The following AKR1E2 variants were observed in gnomAD, a reference collection of about 807,000 sequenced individuals.
AKR1E2 encodes the protein 1,5-anhydro-D-fructose reductase.
Under a neutral mutation model 41.9 loss-of-function variants are expected in AKR1E2, and 43 were observed. That is an observed-to-expected ratio of 1.03 (90% CI 0.80 to 1.32). The LOEUF (loss-of-function observed/expected upper bound fraction) is 1.32, where lower values mean the gene tolerates loss of function less well. Ranked by LOEUF, AKR1E2 falls within the 40% of genes most tolerant of loss-of-function variation. The pLI is 0.00. For synonymous variants in AKR1E2, 121 were observed against 138.9 expected (o/e 0.87, Z 0.91); for missense variants, 423 against 396.5 (o/e 1.07, Z -0.57).
chr10:4,872,577 T>G, the AKR1E2 span, among the ~76,000 whole-genome samples: 4 of 152,254 alleles, frequency 2.6e-5, no homozygotes, highest in Non-Finnish European at 4.4e-5. Context: ...TTACTGATAT[T>G]TATTGTTAGG....
chr10:4,857,267 G>A, the AKR1E2 span, among the ~76,000 whole-genome samples: 1 of 152,156 alleles, frequency 6.6e-6, no homozygotes, highest in Admixed American at 6.5e-5. Flanking sequence ...CCCAGTGTTG[G>A]AGGTAAAACC....
At chr10:4,859,362 G>A in the AKR1E2 span, among the ~76,000 whole-genome samples, 2 of 152,150 alleles carry the variant, frequency 1.3e-5, no homozygotes, top group Admixed American at 1.3e-4. Context: ...GACTACATTC[G>A]GTACCAGAGG....
At chr10:4,857,557 G>T in the AKR1E2 span, among the ~76,000 whole-genome samples, 1 of 152,162 alleles carries the variant, frequency 6.6e-6, no homozygotes, top group African/African-American at 2.4e-5. Context: ...GGAACTGTGA[G>T]CCAGTTAAAC....
the AKR1E2 span, among the ~76,000 whole-genome samples, chr10:4,869,305 G>A: frequency 2.6e-5 from 4 of 152,116 alleles, no homozygotes; most frequent in African/African-American, 4.8e-5. Context: ...CTTGTGAAGT[G>A]TATGTGTGGA....
At chr10:4,843,724 G>A (rs1240449476) in intron 8 of AKR1E2, among the ~76,000 whole-genome samples, 1 of 152,232 alleles carries the variant, frequency 6.6e-6, no homozygotes, top group Non-Finnish European at 1.5e-5. Context: ...GGAGAGGCAG[G>A]CCACCCACGA....
In AKR1E2 at chr10:4,830,719, C is replaced by T. The variant is rs3750740; in HGVS notation, c.84C>T (p.Asp28=). 68,828 of 1,613,970 alleles carry T rather than the reference C, an allele frequency of 0.043. 1,822 individuals are homozygous for T. The highest frequency in any genetic ancestry group is 0.12 in the East Asian group (5,523 of 44,850). ...CCGAGGCAGTGAAAGAGGCCATTGA[C>T]GCAGGGTACCGGCACTTCGACTGTG... ...KVTEAVKEAI[D]AGYRHFDCAY... The change falls in exon 2 of 10, where the codon GAC becomes GAT. Residue 28 remains aspartate, a synonymous_variant. Transcript: ENST00000298375.
the AKR1E2 span, among the ~76,000 whole-genome samples, chr10:4,863,329 T>C: frequency 1.3e-5 from 2 of 152,096 alleles, no homozygotes; most frequent in Admixed American, 6.5e-5. Flanking sequence ...CTCAACTACA[T>C]GGAAACTGAA....
chr10:4,842,565 G>T, intron 8 of AKR1E2, 61 bp downstream of exon 8: 2 of 1,480,026 alleles, frequency 1.4e-6, no homozygotes, highest in South Asian at 2.3e-5. Context: ...GGGAAGGGAT[G>T]ACTGCTGTAG....
At chr10:4,846,732 G>C (rs1834363821) in intron 8 of AKR1E2, among the ~76,000 whole-genome samples, 1 of 152,124 alleles carries the variant, frequency 6.6e-6, no homozygotes, top group Non-Finnish European at 1.5e-5. Flanking sequence ...TTTTAGTAGA[G>C]ATGGGGTTTC....
chr10:4,860,254 TG>T, the AKR1E2 span, among the ~76,000 whole-genome samples: 1 of 152,174 alleles, frequency 6.6e-6, no homozygotes, highest in African/African-American at 2.4e-5. Flanking sequence ...AGTTAGAGGC[TG>T]GGGGTAGAAG....
chr10:4,865,878 T>C, the AKR1E2 span, among the ~76,000 whole-genome samples: 2 of 152,172 alleles, frequency 1.3e-5, no homozygotes, highest in Non-Finnish European at 2.9e-5. Context: ...TAAAGAAAAA[T>C]TGTATTCATC....
chr10:4,845,374 G>A (rs1359237599), intron 8 of AKR1E2, among the ~76,000 whole-genome samples: 3 of 152,024 alleles, frequency 2.0e-5, no homozygotes, highest in Non-Finnish European at 4.4e-5. Context: ...ACAGTGCAAC[G>A]GTGGGCTGAA....
At chr10:4,841,361 T>C (rs1039458021) in intron 6 of AKR1E2, among the ~76,000 whole-genome samples, 2 of 152,192 alleles carry the variant, frequency 1.3e-5, no homozygotes, top group African/African-American at 4.8e-5. Flanking sequence ...ATATTCACTT[T>C]TTAGTAGTAT....
At chr10:4,869,343 T>G in the AKR1E2 span, among the ~76,000 whole-genome samples, 2 of 152,176 alleles carry the variant, frequency 1.3e-5, no homozygotes, top group South Asian at 4.1e-4. Context: ...ATTACCATCC[T>G]GTTTATTTCT....
chr10:4,847,877 C>A lies in AKR1E2; in HGVS notation c.*347C>A, dbSNP rs1227397825. 2 of 239,334 alleles carry A rather than the reference C, an allele frequency of 8.4e-6. No individual in the cohort carries two copies. Among genetic ancestry groups the A allele is most frequent in the Non-Finnish European group, 1.6e-5 (2 of 125,112 alleles). The allele number at this position is 239,334 out of a possible 1,614,324, so 14.8% of individuals were successfully genotyped here. A position where few individuals can be genotyped will look rare whatever the true frequency, so the allele number is the denominator to read the frequency against. On this transcript the variant is annotated 3_prime_UTR_variant, in exon 10 of 10. Transcript: ENST00000298375. The stretch of plus-strand genomic sequence containing the variant: ...GAAACAGTGTAATGTGTCTCTGCCC[C>A]ATTGCGCAGCTCCACCCATTGTGCC...
At chr10:4,843,983 G>T (rs988693584) in intron 8 of AKR1E2, among the ~76,000 whole-genome samples, 3 of 152,186 alleles carry the variant, frequency 2.0e-5, no homozygotes, top group Non-Finnish European at 4.4e-5. Flanking sequence ...GAGACTGCAG[G>T]TCTCTTGTAG....
At chr10:4,838,865 G>A (rs1833642798) in intron 5 of AKR1E2, among the ~76,000 whole-genome samples, 3 of 152,182 alleles carry the variant, frequency 2.0e-5, no homozygotes, top group Admixed American at 2.0e-4. Context: ...TTATGGCATA[G>A]TCTGAGTAGA....
rs1027474872 is a variant in AKR1E2, at chr10:4,826,302, C to T, written c.-23C>T. The T allele has an allele frequency of 2.4e-6, 3 of 1,231,768 alleles. No homozygotes were observed. Among genetic ancestry groups the T allele is most frequent in the Admixed American group, 4.2e-5 (1 of 23,670 alleles). The allele number at this position is 1,231,768 out of a possible 1,614,324, so 76.3% of individuals were successfully genotyped here. On this transcript the variant is annotated 5_prime_UTR_variant, in exon 1 of 10. Transcript: ENST00000298375. ...GGTAGTCGCGTGCGGGGCGGCGGGG[C>T]GGCGGGGCGGCCGGCGGCGGCCATG...
rs576685363 is a variant in AKR1E2, at chr10:4,840,413, C to T, written c.680+587C>T. ...CACTGCCTTAGTTAAGTAGCATTCCCGAGGTCATTAGAGGAGCCCCTCAGC... is the reference window on the plus strand; with the variant it reads ...CACTGCCTTAGTTAAGTAGCATTCCTGAGGTCATTAGAGGAGCCCCTCAGC... On this transcript the variant is annotated intron_variant, in intron 6 of 9. Transcript: ENST00000298375. 1.1e-4 allele frequency among the ~76,000 whole-genome samples: 17 copies of T among 152,334 alleles called. No homozygotes were observed. The East Asian group carries it at 1.7e-3, about 16-fold the overall frequency.
Sources: gnomAD v4.1 joint callset for allele counts (sites outside exome capture counted in the v4.1 genomes callset) on GRCh38, gnomAD v4.1.1 for gene constraint, MANE v1.5 for transcripts, NCBI Gene and HGNC (gene_info 2026-07-23, HGNC 2026-07-21) for gene names.